ZNF385D: variants seen among roughly 807,000 people sequenced by gnomAD.
ZNF385D encodes the protein zinc finger protein 385D.
Under a neutral mutation model 35.8 loss-of-function variants are expected in ZNF385D, and 15 were observed. The ratio of observed to expected loss-of-function variants is 0.42; its 90% CI spans 0.28 to 0.64. ZNF385D has a LOEUF of 0.64. Ranked by LOEUF, ZNF385D falls within the 30% of genes least tolerant of loss-of-function variation. ZNF385D has a pLI of 0.23. For synonymous variants in ZNF385D, 212 were observed against 186.8 expected, an observed-to-expected ratio of 1.13 and a Z score of -1.10; for missense variants, 474 against 494.6, an observed-to-expected ratio of 0.96 and a Z score of 0.39.
chr3:21,625,830 T>C (rs1013249213), intron 2 of ZNF385D, among the ~76,000 whole-genome samples: 1 of 152,132 alleles, frequency 6.6e-6, no homozygotes, highest in African/African-American at 2.4e-5. Flanking sequence ...AAAAATAGAA[T>C]ACTTTTATCA....
At chr3:21,524,148 G>A (rs557313604) in intron 3 of ZNF385D, among the ~76,000 whole-genome samples, 1 of 152,280 alleles carries the variant, frequency 6.6e-6, no homozygotes, top group Admixed American at 6.5e-5. Context: ...CATGAGTTGG[G>A]TTAGGATACG....
At chr3:22,109,392 C>T (rs1236277984) in intron 3 of ZNF385D, among the ~76,000 whole-genome samples, 2 of 152,144 alleles carry the variant, frequency 1.3e-5, no homozygotes, top group Non-Finnish European at 2.9e-5. Flanking sequence ...TGTATCACAG[C>T]TTATAGCTAC....
chr3:21,725,818 C>T (rs1446597724), intron 1 of ZNF385D, among the ~76,000 whole-genome samples: 1 of 152,126 alleles, frequency 6.6e-6, no homozygotes, highest in African/African-American at 2.4e-5. Flanking sequence ...AGAATCCTCC[C>T]TAACTCATTT....
intron 1 of ZNF385D, among the ~76,000 whole-genome samples, chr3:21,710,187 T>G (rs1197498780): frequency 6.6e-6 from 1 of 152,044 alleles, no homozygotes; most frequent in Non-Finnish European, 1.5e-5. Context: ...GGGGAGAAAA[T>G]GGAACAGTTT....
intron 1 of ZNF385D, among the ~76,000 whole-genome samples, chr3:21,745,914 G>C (rs1340800303): frequency 6.6e-6 from 1 of 152,108 alleles, no homozygotes; most frequent in Admixed American, 6.6e-5. Flanking sequence ...TGCTTAAAAA[G>C]TACTTTAATG....
chr3:21,818,894 G>A (rs1559654651), intron 3 of ZNF385D, among the ~76,000 whole-genome samples: 1 of 151,924 alleles, frequency 6.6e-6, no homozygotes. Flanking sequence ...CAAAGAAACT[G>A]AGAAACACGT....
chr3:22,033,952 A>G (rs1326682785), intron 3 of ZNF385D, among the ~76,000 whole-genome samples: 1 of 152,176 alleles, frequency 6.6e-6, no homozygotes, highest in Non-Finnish European at 1.5e-5. Flanking sequence ...CTGAGCAACT[A>G]CTTTCTCCAG....
chr3:22,122,093 TG>T, intron 3 of ZNF385D, among the ~76,000 whole-genome samples: 1 of 152,238 alleles, frequency 6.6e-6, no homozygotes, highest in East Asian at 1.9e-4. Flanking sequence ...GCCCAATTTT[TG>T]CCTGACTTCT....
At chr3:21,753,419 A>T (rs1401173342), upstream of ZNF385D, among the ~76,000 whole-genome samples, 1 of 152,220 alleles carries the variant, frequency 6.6e-6, no homozygotes, top group Non-Finnish European at 1.5e-5. Flanking sequence ...CAAATACATC[A>T]GCAGGGAGCA....
At chr3:21,592,086 T>C (rs1452767089) in intron 2 of ZNF385D, among the ~76,000 whole-genome samples, 1 of 152,184 alleles carries the variant, frequency 6.6e-6, no homozygotes, top group Non-Finnish European at 1.5e-5. Context: ...CATATAGGCA[T>C]GCTGTGGCGA....
At chr3:22,352,184 C>T (rs1260114542) in intron 2 of ZNF385D, among the ~76,000 whole-genome samples, 3 of 152,068 alleles carry the variant, frequency 2.0e-5, no homozygotes, top group Non-Finnish European at 2.9e-5. Flanking sequence ...TTACTTTTCC[C>T]GGCACATGTG....
chr3:22,076,902 T>A (rs939797352), intron 3 of ZNF385D, among the ~76,000 whole-genome samples: 3 of 151,896 alleles, frequency 2.0e-5, no homozygotes, highest in African/African-American at 7.2e-5. Context: ...AACAGATGAA[T>A]AGAACAATGA....
intron 3 of ZNF385D, among the ~76,000 whole-genome samples, chr3:21,977,975 T>C (rs919080082): frequency 5.3e-5 from 8 of 152,290 alleles, no homozygotes; most frequent in Non-Finnish European, 1.0e-4. Context: ...TCAGCAGACC[T>C]GGAGGTAGTT....
At chr3:21,540,085 A>C (rs2062135828) in intron 3 of ZNF385D, among the ~76,000 whole-genome samples, 1 of 152,224 alleles carries the variant, frequency 6.6e-6, no homozygotes, top group Admixed American at 6.5e-5. Context: ...TGCTTTTTAC[A>C]GAATTACTGA....
chr3:22,215,806 G>A (rs1292657744), intron 2 of ZNF385D, among the ~76,000 whole-genome samples: 1 of 151,774 alleles, frequency 6.6e-6, no homozygotes. Flanking sequence ...TGGTTTTACG[G>A]CTCAAGGGGC....
intron 3 of ZNF385D, among the ~76,000 whole-genome samples, chr3:22,069,689 G>C (rs950687753): frequency 6.6e-6 from 1 of 152,160 alleles, no homozygotes; most frequent in Non-Finnish European, 1.5e-5. Context: ...GATCAGTGAA[G>C]ATGAAACTCA....
rs1700579138 is a variant in ZNF385D, at chr3:21,417,525, T to C, written c.*3689A>G. On this transcript the variant is annotated 3_prime_UTR_variant, in exon 8 of 8. Transcript: ENST00000281523. Reference sequence around the variant, plus strand: ...CCTATATACCACTTCAGTTACCTTTTAGCTTTCTGATCTGATTTCTTCAGA... The same window carrying C: ...CCTATATACCACTTCAGTTACCTTTCAGCTTTCTGATCTGATTTCTTCAGA... 1 of 152,154 alleles carries C rather than the reference T, an allele frequency of 6.6e-6. No homozygotes were observed. Among genetic ancestry groups the C allele is most frequent in the African/African-American group, 2.4e-5 (1 of 41,452 alleles). 9.4% of individuals were successfully genotyped at this position (152,154 alleles called of 1,614,324 possible). A position where few individuals can be genotyped will look rare whatever the true frequency, so the allele number is the denominator to read the frequency against.
chr3:21,774,823 A>C (rs545899734), intron 3 of ZNF385D, among the ~76,000 whole-genome samples: 6 of 152,056 alleles, frequency 3.9e-5, no homozygotes, highest in African/African-American at 1.4e-4. Flanking sequence ...AAAAGTTAAC[A>C]AATTTGGATA....
intron 2 of ZNF385D, among the ~76,000 whole-genome samples, chr3:22,330,864 C>T (rs1575133900): frequency 2.0e-5 from 3 of 152,334 alleles, no homozygotes. Flanking sequence ...GTTCCAAAAT[C>T]TAGGCAACCT....
Sources: gnomAD v4.1 joint callset for allele counts (sites outside exome capture counted in the v4.1 genomes callset) on GRCh38, gnomAD v4.1.1 for gene constraint, MANE v1.5 for transcripts, NCBI Gene and HGNC (gene_info 2026-07-23, HGNC 2026-07-21) for gene names.